The following MRNIP variants were observed in gnomAD, a reference collection of about 807,000 sequenced individuals.
The protein encoded by MRNIP is MRN complex-interacting protein.
In MRNIP, 30 loss-of-function variants were observed where a neutral mutation model predicts 29.8. The ratio of observed to expected loss-of-function variants is 1.01; its 90% CI spans 0.75 to 1.36. MRNIP has a LOEUF of 1.36. Ranked by LOEUF, MRNIP falls within the 40% of genes most tolerant of loss-of-function variation. The pLI is 0.00. For missense variants in MRNIP, 459 were observed against 423.5 expected (o/e 1.08, Z -0.74); for synonymous variants, 201 against 164.1 (o/e 1.23, Z -1.72).
At chr5:179,858,269 C>T (rs1018096697) in intron 1 of MRNIP, among the ~76,000 whole-genome samples, 1 of 152,152 alleles carries the variant, frequency 6.6e-6, no homozygotes, top group Non-Finnish European at 1.5e-5. Flanking sequence ...GTGGTTTATG[C>T]GTCGGCGAAC....
chr5:179,849,738 C>T lies in MRNIP; in HGVS notation c.127-1672G>A, dbSNP rs141539229. 3.5e-3 allele frequency among the ~76,000 whole-genome samples: 524 copies of T among 150,416 alleles called. 3 individuals are homozygous for T. The highest frequency in any genetic ancestry group is 0.012 in the African/African-American group (470 of 40,798). On this transcript the variant is annotated intron_variant, in intron 2 of 6. Transcript: ENST00000292586. ...ACCATGGGTCCTGCTATGGCACAGG[C>T]AGATGCTACGAGACGGAATTTGAGA...
chr5:179,843,846 C>A (rs766491856), intron 4 of MRNIP, among the ~76,000 whole-genome samples: 1 of 152,070 alleles, frequency 6.6e-6, no homozygotes, highest in African/African-American at 2.4e-5. Context: ...CAGAGGTATG[C>A]CCAGAGTGCT....
chr5:179,848,458 G>A (rs1470185679), intron 2 of MRNIP, among the ~76,000 whole-genome samples: 1 of 152,070 alleles, frequency 6.6e-6, no homozygotes, highest in Non-Finnish European at 1.5e-5. Flanking sequence ...GATAATCAAA[G>A]GAATACAAAA....
rs768839085 is a variant in MRNIP, at chr5:179,837,367, G to T, written c.*24C>A. On this transcript the variant is annotated 3_prime_UTR_variant, in exon 7 of 7. Transcript: ENST00000292586. ...CTGTCCCTCCTAACAAGTGTATCTC[G>T]ATTAATAACCTGCCAGTCCCAGATC... The T allele has an allele frequency of 1.9e-6, 3 of 1,581,474 alleles. No homozygotes were observed. The highest frequency in any genetic ancestry group is 2.6e-6 in the Non-Finnish European group (3 of 1,162,824).
At chr5:179,853,818 AT>A (rs968276137) in intron 1 of MRNIP, among the ~76,000 whole-genome samples, 94 of 147,920 alleles carry the variant, frequency 6.4e-4, no homozygotes, top group African/African-American at 1.3e-3. Context: ...TGGATCTGAA[AT>A]TTTTTTTTTT....
chr5:179,840,708 C>T (rs938394222), intron 6 of MRNIP, 164 bp downstream of exon 6: 14 of 643,770 alleles, frequency 2.2e-5, no homozygotes, highest in Admixed American at 7.0e-5. Context: ...GGTACAGACC[C>T]GAGGAAGGAG....
At chr5:179,855,907 G>GTTT (rs1205010985) in intron 1 of MRNIP, among the ~76,000 whole-genome samples, 1,632 of 110,956 alleles carry the variant, frequency 0.015, 51 homozygotes, top group African/African-American at 0.03. Context: ...AAGAAAAGTT[G>GTTT]TTTTTTTTTT....
chr5:179,844,371 G>A (rs184703000), intron 3 of MRNIP, 144 bp from the exon 4 acceptor site: 20 of 641,610 alleles, frequency 3.1e-5, no homozygotes, highest in African/African-American at 9.0e-5. Flanking sequence ...TGACGAACAC[G>A]GTGGTGCATA....
At chr5:179,843,067 G>GGAAGGA (rs1561616790) in intron 4 of MRNIP, among the ~76,000 whole-genome samples, 4 of 117,518 alleles carry the variant, frequency 3.4e-5, no homozygotes, top group Non-Finnish European at 7.8e-5. Flanking sequence ...GGAAGGGAGG[G>GGAAGGA]AGGGAGGGAG....
intron 3 of MRNIP, among the ~76,000 whole-genome samples, chr5:179,846,840 C>T (rs747984846): frequency 9.0e-4 from 137 of 152,190 alleles, no homozygotes; most frequent in Non-Finnish European, 1.6e-3. Flanking sequence ...ATTTGTACAC[C>T]GAGGGTGTAG....
intron 1 of MRNIP, among the ~76,000 whole-genome samples, chr5:179,854,257 T>TG (rs1759494321): frequency 1.3e-5 from 2 of 152,108 alleles, no homozygotes; most frequent in African/African-American, 4.8e-5. Flanking sequence ...CCTGACCTGG[T>TG]GATCCACCCG....
intron 4 of MRNIP, among the ~76,000 whole-genome samples, chr5:179,842,454 G>A (rs1758919696): frequency 6.6e-6 from 1 of 151,298 alleles, no homozygotes; most frequent in Admixed American, 6.6e-5. Flanking sequence ...GCCGAGGCTG[G>A]CGGATCACAA....
chr5:179,843,079 GAGGC>G lies in MRNIP; in HGVS notation c.292-1019_292-1016del, dbSNP rs202216040. Among the ~76,000 whole-genome samples, 298 of 137,012 alleles carry G rather than the reference GAGGC, an allele frequency of 2.2e-3. 2 individuals are homozygous for G. The highest frequency in any genetic ancestry group is 2.7e-3 in the Non-Finnish European group (168 of 61,612). 89.9% of individuals were successfully genotyped at this position (137,012 alleles called of 152,430 possible). A position where few individuals can be genotyped will look rare whatever the true frequency, so the allele number is the denominator to read the frequency against. Reference sequence around the variant, plus strand: ...GAAGGAAGGGAGGGAGGGAGGGAGGGAGGCAGGCAAGCAGGCAAGCAGAAGTGTG... The same window carrying G: ...GAAGGAAGGGAGGGAGGGAGGGAGGGAGGCAAGCAGGCAAGCAGAAGTGTG... On this transcript the variant is annotated intron_variant, in intron 4 of 6. Coordinates refer to ENST00000292586, the MANE Select transcript of MRNIP (RefSeq NM_016175.4).
chr5:179,856,907 G>A lies in MRNIP; in HGVS notation c.66+1824C>T, dbSNP rs1242818406. On this transcript the variant is annotated intron_variant, in intron 1 of 6. Coordinates refer to ENST00000292586, the MANE Select transcript of MRNIP (RefSeq NM_016175.4). ...AGTTCCAGACCAGCCTGGGCAACAC[G>A]GCCGAAACCTCATTCCTACAAAAAA... Among the ~76,000 whole-genome samples, 9 of 151,966 alleles carry A rather than the reference G, an allele frequency of 5.9e-5. No individual in the cohort carries two copies. In the East Asian group the frequency reaches 7.8e-4, roughly 13 times the overall value.
rs889628189 is a variant in MRNIP, at chr5:179,858,025, A to AAAAG, written c.66+705_66+706insCTTT. On this transcript the variant is annotated intron_variant, in intron 1 of 6. Coordinates refer to ENST00000292586, the MANE Select transcript of MRNIP (RefSeq NM_016175.4). ...AAACTCCGTCTCAAAAAAAAAAAAA[A>AAAAG]AAGAAGAAGAAGTCTGATGCTATTC... Among the ~76,000 whole-genome samples, 400 of 143,334 alleles carry AAAAG rather than the reference A, an allele frequency of 2.8e-3. 2 individuals carry two copies. The highest frequency in any genetic ancestry group is 9.5e-3 in the African/African-American group (376 of 39,698). The allele number at this position is 143,334 out of a possible 152,430, so 94.0% of individuals were successfully genotyped here.
At chr5:179,850,201 A>AGC (rs1309587137) in intron 2 of MRNIP, among the ~76,000 whole-genome samples, 3 of 151,324 alleles carry the variant, frequency 2.0e-5, no homozygotes, top group Non-Finnish European at 4.4e-5. Context: ...ATGGTACAAG[A>AGC]CGGAATTTGA....
chr5:179,841,102 C>A, intron 5 of MRNIP, 143 bp from the exon 6 acceptor site: 1 of 610,128 alleles, frequency 1.6e-6, no homozygotes, highest in Non-Finnish European at 2.9e-6. Context: ...GGTGTCCAGC[C>A]ACCGCCCAGG....
chr5:179,858,800 T>C lies in MRNIP; in HGVS notation c.-4A>G, dbSNP rs766467855. On this transcript the variant is annotated 5_prime_UTR_variant, in exon 1 of 7. Transcript: ENST00000292586. ...GAGAACGCTGAAGCGACGCCATCCCTGCTTGTGCAGTCGCCAGGCAGCCAA... is the reference window on the plus strand; with the variant it reads ...GAGAACGCTGAAGCGACGCCATCCCCGCTTGTGCAGTCGCCAGGCAGCCAA... 2.3e-5 allele frequency: 36 copies of C among 1,539,746 alleles called. No homozygotes were observed. The highest frequency in any genetic ancestry group is 2.8e-5 in the Non-Finnish European group (32 of 1,143,970).
At chr5:179,840,689 G>A (rs927063087) in intron 6 of MRNIP, 183 bp downstream of exon 6, 5 of 613,096 alleles carry the variant, frequency 8.2e-6, no homozygotes, top group East Asian at 2.8e-5. Context: ...GGCATGGGAG[G>A]GAAAAGGGGG....
Sources: gnomAD v4.1 joint callset for allele counts (sites outside exome capture counted in the v4.1 genomes callset) on GRCh38, gnomAD v4.1.1 for gene constraint, MANE v1.5 for transcripts, NCBI Gene and HGNC (gene_info 2026-07-23, HGNC 2026-07-21) for gene names.